SMYD3: variants seen among roughly 807,000 people sequenced by gnomAD.
SMYD3 encodes SET and MYND domain containing 3.
In SMYD3, 36 loss-of-function variants were observed where a neutral mutation model predicts 57.7. The observed-to-expected ratio is 0.62, with a 90% CI of 0.48 to 0.82. The LOEUF (loss-of-function observed/expected upper bound fraction) is 0.82. Ranked by LOEUF, SMYD3 falls within the 40% of genes least tolerant of loss-of-function variation. SMYD3 has a pLI of 0.00. For missense variants in SMYD3, 515 were observed against 538.8 expected, an observed-to-expected ratio of 0.96 and a Z score of 0.44; for synonymous variants, 211 against 195.0, an observed-to-expected ratio of 1.08 and a Z score of -0.68.
intron 5 of SMYD3, among the ~76,000 whole-genome samples, chr1:246,109,338 A>G (rs1052666956): frequency 6.6e-6 from 1 of 152,228 alleles, no homozygotes; most frequent in Non-Finnish European, 1.5e-5. Context: ...ATTCATTACC[A>G]TATAACTGGA....
chr1:246,263,997 T>C (rs1378918666), intron 5 of SMYD3, among the ~76,000 whole-genome samples: 1 of 152,106 alleles, frequency 6.6e-6, no homozygotes, highest in Non-Finnish European at 1.5e-5. Flanking sequence ...AATTTCTGAG[T>C]TCTAGCCAAA....
In SMYD3 at chr1:245,978,978, G is replaced by A. The variant is rs528953790; in HGVS notation, c.532-49041C>T. ...GTATCTGTCCATTCTTGGCAGGTAT[G>A]CATTGCTAAAAGCATGTGACTACTA... On this transcript the variant is annotated intron_variant, in intron 5 of 11. Coordinates refer to ENST00000490107, the MANE Select transcript of SMYD3 (RefSeq NM_001167740.2). 1.9e-4 allele frequency among the ~76,000 whole-genome samples: 29 copies of A among 152,292 alleles called. No homozygotes were observed. The South Asian group carries it at 5.6e-3, about 29-fold the overall frequency.
intron 5 of SMYD3, among the ~76,000 whole-genome samples, chr1:245,981,426 G>A (rs1331064850): frequency 6.6e-6 from 1 of 152,176 alleles, no homozygotes; most frequent in Non-Finnish European, 1.5e-5. Flanking sequence ...TGAGCTGTCA[G>A]GACAGATTAA....
rs1241973060 is a variant in SMYD3, at chr1:246,067,675, G to A, written c.532-137738C>T. Among the ~76,000 whole-genome samples, 6 of 152,198 alleles carry A rather than the reference G, an allele frequency of 3.9e-5. No individual in the cohort carries two copies. The East Asian group carries it at 9.7e-4, about 25-fold the overall frequency. ...TCAATACCAGCAGTAAGGGCGACTC[G>A]CTCCTGGACGTGAATCTAGCATGCA... On this transcript the variant is annotated intron_variant, in intron 5 of 11. Coordinates refer to ENST00000490107, the MANE Select transcript of SMYD3 (RefSeq NM_001167740.2).
intron 10 of SMYD3, among the ~76,000 whole-genome samples, chr1:245,819,322 A>G (rs2049025937): frequency 7.4e-6 from 1 of 135,668 alleles, no homozygotes; most frequent in South Asian, 2.5e-4. Context: ...TGAAGGCAGA[A>G]ATAAAGATGT....
chr1:245,824,956 G>A (rs1181310371), intron 10 of SMYD3, among the ~76,000 whole-genome samples: 7 of 151,036 alleles, frequency 4.6e-5, no homozygotes, highest in Non-Finnish European at 7.4e-5. Context: ...GCTTGAACCC[G>A]AGAGGCAGAG....
At chr1:246,381,259 G>A (rs868333565) in intron 1 of SMYD3, among the ~76,000 whole-genome samples, 6 of 152,068 alleles carry the variant, frequency 3.9e-5, no homozygotes, top group African/African-American at 1.4e-4. Flanking sequence ...CTGCCACCTC[G>A]AATAAAACTG....
chr1:246,481,593 C>CATATAT lies in SMYD3; in HGVS notation c.164+25455_164+25460dup, dbSNP rs1200097586. Reference sequence around the variant, plus strand: ...ACGGATCATGGGACTTCTCAGGCTCCATATATATATATATACACATACATA... The same window carrying CATATAT: ...ACGGATCATGGGACTTCTCAGGCTCCATATATATATATATATATATACACATACATA... On this transcript the variant is annotated intron_variant, in intron 1 of 11. Transcript: ENST00000490107. Among the ~76,000 whole-genome samples the CATATAT allele has an allele frequency of 1.6e-3, 46 of 27,936 alleles. 1 individual carries two copies. Among genetic ancestry groups the CATATAT allele is most frequent in the African/African-American group, 4.2e-3 (40 of 9,476 alleles). The allele number at this position is 27,936 out of a possible 152,430, so 18.3% of individuals were successfully genotyped here.
chr1:246,442,746 T>C (rs1296496442), intron 1 of SMYD3, among the ~76,000 whole-genome samples: 1 of 152,116 alleles, frequency 6.6e-6, no homozygotes, highest in Non-Finnish European at 1.5e-5. Context: ...GGTTTATGAA[T>C]AAGTGAAGCA....
chr1:245,868,838 C>A (rs1461583878), intron 8 of SMYD3, among the ~76,000 whole-genome samples: 2 of 152,138 alleles, frequency 1.3e-5, no homozygotes, highest in Admixed American at 1.3e-4. Context: ...CTGGGTCTGT[C>A]ACGTCTCCCC....
At chr1:245,798,551 C>A (rs947817996) in intron 10 of SMYD3, among the ~76,000 whole-genome samples, 1 of 148,140 alleles carries the variant, frequency 6.8e-6, no homozygotes, top group African/African-American at 2.6e-5. Flanking sequence ...TCTTAATCTG[C>A]CCACCCCAGA....
chr1:246,142,673 G>T (rs922854829), intron 5 of SMYD3, among the ~76,000 whole-genome samples: 8 of 151,966 alleles, frequency 5.3e-5, no homozygotes, highest in Non-Finnish European at 1.5e-5. Context: ...CCTATGAACT[G>T]TTTATTTCTG....
intron 5 of SMYD3, among the ~76,000 whole-genome samples, chr1:246,166,360 C>T (rs1388677329): frequency 6.6e-6 from 1 of 152,186 alleles, no homozygotes; most frequent in Non-Finnish European, 1.5e-5. Flanking sequence ...TTTGCTCCAG[C>T]ATGCATGACT....
Position 246,282,305 on chromosome 1 carries a change from C to CAAAAAAAAA in SMYD3, c.531+44887_531+44895dup, listed in dbSNP as rs57740230. ...CAACATGGCAAGACCCTCATCTCTA[C>CAAAAAAAAA]AAAAAAAAAAAAAAAAAAAAAAAAA... On this transcript the variant is annotated intron_variant, in intron 5 of 11. Coordinates refer to ENST00000490107, the MANE Select transcript of SMYD3 (RefSeq NM_001167740.2). Among the ~76,000 whole-genome samples the CAAAAAAAAA allele has an allele frequency of 4.7e-4, 32 of 67,912 alleles. 2 individuals carry two copies. Among genetic ancestry groups the CAAAAAAAAA allele is most frequent in the East Asian group, 7.8e-4 (2 of 2,574 alleles). 44.6% of individuals were successfully genotyped at this position (67,912 alleles called of 152,430 possible). A position where few individuals can be genotyped will look rare whatever the true frequency, so the allele number is the denominator to read the frequency against.
rs565491152 is a variant in SMYD3 at position 246,101,510 on chromosome 1, C to T, written c.532-171573G>A. On this transcript the variant is annotated intron_variant, in intron 5 of 11. Transcript: ENST00000490107. ...AATGCTACCTGCAGTATTTTTATCA[C>T]ACTCTCAATCATCACTGTACTTAAA... 3.7e-4 allele frequency among the ~76,000 whole-genome samples: 56 copies of T among 152,316 alleles called. 1 individual carries two copies. The highest frequency in any genetic ancestry group is 1.2e-3 in the African/African-American group (51 of 41,566).
chr1:245,939,896 C>G (rs4390144), intron 5 of SMYD3, among the ~76,000 whole-genome samples: 1 of 152,052 alleles, frequency 6.6e-6, no homozygotes, highest in East Asian at 1.9e-4. Context: ...TGTGGGAGGC[C>G]TTCATGTCAT....
chr1:245,908,046 G>A (rs906402142), intron 8 of SMYD3, among the ~76,000 whole-genome samples: 3 of 152,022 alleles, frequency 2.0e-5, no homozygotes, highest in African/African-American at 7.2e-5. Flanking sequence ...TGAGGCCGGA[G>A]AATCCCTTGA....
At chr1:246,469,664 G>C (rs1437704731) in intron 1 of SMYD3, among the ~76,000 whole-genome samples, 1 of 152,110 alleles carries the variant, frequency 6.6e-6, no homozygotes, top group African/African-American at 2.4e-5. Flanking sequence ...TAAATAAATA[G>C]AGGAGAAGGT....
intron 5 of SMYD3, among the ~76,000 whole-genome samples, chr1:245,982,402 C>T (rs2058616192): frequency 1.3e-5 from 2 of 152,192 alleles, no homozygotes; most frequent in Admixed American, 6.5e-5. Flanking sequence ...GCTGGGATTA[C>T]AGATGTCAGT....
Sources: gnomAD v4.1 joint callset for allele counts (sites outside exome capture counted in the v4.1 genomes callset) on GRCh38, gnomAD v4.1.1 for gene constraint, MANE v1.5 for transcripts, NCBI Gene and HGNC (gene_info 2026-07-23, HGNC 2026-07-21) for gene names.